The following MACROD2 variants were observed in gnomAD, a reference collection of about 807,000 sequenced individuals.
MACROD2 encodes the protein ADP-ribose glycohydrolase MACROD2.
Under a neutral mutation model 70.4 loss-of-function variants are expected in MACROD2, and 36 were observed. The ratio of observed to expected loss-of-function variants is 0.51; its 90% confidence interval spans 0.39 to 0.68. The LOEUF is 0.68. MACROD2 is among the 30% of genes least tolerant of loss of function. The pLI, the probability that MACROD2 is intolerant of heterozygous loss-of-function variation, is 0.00. For missense variants in MACROD2, 496 were observed against 538.4 expected (o/e 0.92, Z 0.78); for synonymous variants, 172 against 178.8 (o/e 0.96, Z 0.30).
intron 2 of MACROD2, among the ~76,000 whole-genome samples, chr20:14,084,071 C>A (rs2423774): frequency 0.98 from 104,113 of 106,306 alleles, 51,017 homozygotes; most frequent in East Asian, 1. Flanking sequence ...CAAAAAAAAA[C>A]AAAAAACAAA....
At position 15,237,308 on chromosome 20, in the gene MACROD2, C is replaced by A. The variant is rs144753531; in HGVS notation, c.540+7247C>A. Among the ~76,000 whole-genome samples, 307 of 152,302 alleles carry A rather than the reference C, an allele frequency of 2.0e-3. 1 individual carries two copies. Among genetic ancestry groups the A allele is most frequent in the African/African-American group, 6.8e-3 (282 of 41,574 alleles). On this transcript the variant is annotated intron_variant, in intron 6 of 17. Coordinates refer to ENST00000684519, the MANE Select transcript of MACROD2 (RefSeq NM_001351661.2). ...TATGCTACAGATGGCCATGCCCAAG[C>A]AGCAGGAGAGTTTTTCACACCTGGT...
chr20:14,905,128 A>G (rs2073943574), intron 5 of MACROD2: 1 of 152,184 alleles, frequency 6.6e-6, no homozygotes, highest in Non-Finnish European at 1.5e-5. Context: ...CATTTACACA[A>G]GAGAAATACC....
At chr20:14,522,974 GT>G (rs1482048726) in intron 4 of MACROD2, among the ~76,000 whole-genome samples, 1 of 152,140 alleles carries the variant, frequency 6.6e-6, no homozygotes, top group Non-Finnish European at 1.5e-5. Context: ...CGGTCTCACA[GT>G]CACGCCTTTT....
chr20:14,808,280 C>T (rs1455567808), intron 5 of MACROD2, among the ~76,000 whole-genome samples: 1 of 151,966 alleles, frequency 6.6e-6, no homozygotes, highest in Non-Finnish European at 1.5e-5. Flanking sequence ...GGTTGATATT[C>T]AAAATTTTTA....
chr20:15,772,795 T>G (rs970326643), intron 8 of MACROD2, among the ~76,000 whole-genome samples: 1 of 152,098 alleles, frequency 6.6e-6, no homozygotes, highest in Admixed American at 6.5e-5. Context: ...CTCAAGAACT[T>G]ACTCATATAA....
chr20:15,710,021 T>G (rs1000075636), intron 8 of MACROD2, among the ~76,000 whole-genome samples: 1 of 152,004 alleles, frequency 6.6e-6, no homozygotes, highest in Non-Finnish European at 1.5e-5. Flanking sequence ...TTCTACAGAC[T>G]CTGATTTAAA....
At chr20:15,982,287 T>G (rs2147455923) in intron 13 of MACROD2, among the ~76,000 whole-genome samples, 1 of 152,260 alleles carries the variant, frequency 6.6e-6, no homozygotes, top group East Asian at 1.9e-4. Context: ...TCCTAGGCAT[T>G]TATAATAACT....
chr20:15,300,171 T>C (rs938899304), intron 6 of MACROD2, among the ~76,000 whole-genome samples: 1 of 152,186 alleles, frequency 6.6e-6, no homozygotes, highest in African/African-American at 2.4e-5. Context: ...GTTATTAATG[T>C]AGCTTAAGAC....
At chr20:15,515,660 G>C (rs2047557070) in intron 8 of MACROD2, among the ~76,000 whole-genome samples, 1 of 152,204 alleles carries the variant, frequency 6.6e-6, no homozygotes, top group Non-Finnish European at 1.5e-5. Flanking sequence ...TGCATTGAAT[G>C]AACGAATGTT....
At chr20:14,068,424 A>C (rs1270540149) in intron 2 of MACROD2, among the ~76,000 whole-genome samples, 1 of 152,198 alleles carries the variant, frequency 6.6e-6, no homozygotes, top group Non-Finnish European at 1.5e-5. Context: ...TACAGGAAAC[A>C]AAAAGTTCAG....
chr20:15,032,223 C>T lies in MACROD2; in HGVS notation c.419-197717C>T, dbSNP rs148039762. Among the ~76,000 whole-genome samples, 978 of 152,316 alleles carry T rather than the reference C, an allele frequency of 6.4e-3. 8 individuals carry two copies. The highest frequency in any genetic ancestry group is 0.022 in the African/African-American group (935 of 41,586). ...CCAGGCCCCCAGGAGTACAGGGATT[C>T]CTGGGTCCGGAGCTGTGGCTGGGCG... On this transcript the variant is annotated intron_variant, in intron 5 of 17. Coordinates refer to ENST00000684519, the MANE Select transcript of MACROD2 (RefSeq NM_001351661.2).
chr20:15,164,216 A>G (rs1460805514), intron 5 of MACROD2, among the ~76,000 whole-genome samples: 3 of 152,214 alleles, frequency 2.0e-5, no homozygotes, highest in Non-Finnish European at 4.4e-5. Context: ...GAAATAATTC[A>G]AATAAAAATA....
chr20:15,961,152 G>A (rs1394915792), intron 12 of MACROD2, among the ~76,000 whole-genome samples: 3 of 152,142 alleles, frequency 2.0e-5, no homozygotes, highest in African/African-American at 7.2e-5. Context: ...CAATGGCATG[G>A]AGAAAATTGA....
chr20:15,935,875 G>T (rs769004441), intron 11 of MACROD2, among the ~76,000 whole-genome samples: 5 of 152,144 alleles, frequency 3.3e-5, no homozygotes, highest in Admixed American at 2.0e-4. Context: ...AACATAGAAG[G>T]AATGCCCAGA....
At chr20:15,575,989 G>C (rs1401992439) in intron 8 of MACROD2, among the ~76,000 whole-genome samples, 4 of 151,918 alleles carry the variant, frequency 2.6e-5, no homozygotes, top group Non-Finnish European at 4.4e-5. Flanking sequence ...GTTCACTTAT[G>C]GTTTCATCCA....
intron 5 of MACROD2, among the ~76,000 whole-genome samples, chr20:15,152,890 G>A (rs2076281454): frequency 6.6e-6 from 1 of 152,020 alleles, no homozygotes. Flanking sequence ...GAAAATGAAA[G>A]GAATTGAAAT....
At chr20:14,082,149 A>G (rs1032186901) in intron 2 of MACROD2, among the ~76,000 whole-genome samples, 8 of 142,846 alleles carry the variant, frequency 5.6e-5, no homozygotes, top group African/African-American at 2.1e-4. Flanking sequence ...TTAAACTTCA[A>G]TGTTTTCCCA....
At chr20:14,165,026 GGCT>G (rs1453283189) in intron 3 of MACROD2, among the ~76,000 whole-genome samples, 4 of 152,150 alleles carry the variant, frequency 2.6e-5, no homozygotes, top group African/African-American at 9.7e-5. Context: ...CCCTGGCAGA[GGCT>G]GCTGCAGGCA....
chr20:14,968,492 G>A (rs138670646), intron 5 of MACROD2, among the ~76,000 whole-genome samples: 2 of 152,232 alleles, frequency 1.3e-5, no homozygotes, highest in Non-Finnish European at 2.9e-5. Context: ...AGTGGGACTG[G>A]GGTGGTGTCC....
Sources: allele counts gnomAD v4.1 joint callset (sites outside exome capture counted in the v4.1 genomes callset), GRCh38; gene constraint gnomAD v4.1.1; transcripts MANE v1.5; gene names NCBI Gene and HGNC (gene_info 2026-07-23, HGNC 2026-07-21).